LHFPL1: variants seen among roughly 807,000 people sequenced by gnomAD.
LHFPL1 encodes LHFPL tetraspan subfamily member 1 protein.
LHFPL1 carries 4 observed loss-of-function variants against 12.1 expected under a neutral mutation model. That is an observed-to-expected ratio of 0.33 (90% CI 0.16 to 0.76). The LOEUF is 0.76. LHFPL1 is among the 30% of genes least tolerant of loss of function. The pLI, the probability that LHFPL1 is intolerant of heterozygous loss-of-function variation, is 0.61. For synonymous variants in LHFPL1, 52 were observed against 61.9 expected, an observed-to-expected ratio of 0.84 and a Z score of 0.75; for missense variants, 141 against 174.1, an observed-to-expected ratio of 0.81 and a Z score of 1.07.
intron 3 of LHFPL1, among the ~76,000 whole-genome samples, chrX:112,652,355 G>A (rs1348695585): frequency 8.9e-6 from 1 of 111,897 alleles, no homozygotes; most frequent in Non-Finnish European, 1.9e-5. Flanking sequence ...TCCTTTTCCA[G>A]GCCTCAGGTT....
At chrX:112,654,631 A>G (rs1930946061) in intron 3 of LHFPL1, among the ~76,000 whole-genome samples, 1 of 110,410 alleles carries the variant, frequency 9.1e-6, no homozygotes, top group Non-Finnish European at 1.9e-5. Context: ...TGGAGAATAT[A>G]AAAGGAACTT....
chrX:112,643,206 C>G (rs1416979533), intron 3 of LHFPL1, among the ~76,000 whole-genome samples: 1 of 107,725 alleles, frequency 9.3e-6, no homozygotes, highest in Admixed American at 1.0e-4. Flanking sequence ...TGGTGAAACC[C>G]TGTCTCTACT....
At chrX:112,656,445 C>T (rs1009565390) in intron 3 of LHFPL1, among the ~76,000 whole-genome samples, 43 of 110,332 alleles carry the variant, frequency 3.9e-4, no homozygotes, top group Non-Finnish European at 4.0e-4. Flanking sequence ...GATATTTTAC[C>T]GCTAACACCA....
intron 3 of LHFPL1, 55 bp downstream of exon 3, chrX:112,660,572 T>G (rs1931151092): frequency 2.0e-6 from 2 of 1,013,113 alleles, no homozygotes; most frequent in Admixed American, 4.4e-5. Context: ...GGTAAAGCAC[T>G]TTGGAAAACA....
At chrX:112,655,484 A>C (rs1020026293) in intron 3 of LHFPL1, among the ~76,000 whole-genome samples, 2 of 112,104 alleles carry the variant, frequency 1.8e-5, no homozygotes, top group African/African-American at 6.5e-5. Flanking sequence ...TGAAGACATG[A>C]ATGTGATCTC....
Position 112,631,318 on chromosome X carries a change from G to A in LHFPL1, c.*102C>T, listed in dbSNP as rs1037548890. On this transcript the variant is annotated 3_prime_UTR_variant, in exon 4 of 4. Coordinates refer to ENST00000371968, the MANE Select transcript of LHFPL1 (RefSeq NM_178175.4). ...AGTTTAAAAAGCATGCAAACACTAGGCTATGCTAATGACAGTCAGATGACA... is the reference window on the plus strand; with the variant it reads ...AGTTTAAAAAGCATGCAAACACTAGACTATGCTAATGACAGTCAGATGACA... 11 of 690,007 alleles carry A rather than the reference G, an allele frequency of 1.6e-5. No individual in the cohort carries two copies. The highest frequency in any genetic ancestry group is 2.1e-5 in the Non-Finnish European group (10 of 467,077). 56.9% of individuals were successfully genotyped at this position (690,007 alleles called of 1,213,427 possible).
chrX:112,639,096 C>T (rs1012302762), intron 3 of LHFPL1, among the ~76,000 whole-genome samples: 1 of 111,907 alleles, frequency 8.9e-6, no homozygotes, highest in Non-Finnish European at 1.9e-5. Context: ...GTTCAGCAAA[C>T]ACAGATGAAT....
intron 3 of LHFPL1, among the ~76,000 whole-genome samples, chrX:112,635,083 G>A (rs1334024270): frequency 5.3e-5 from 6 of 112,204 alleles, no homozygotes; most frequent in East Asian, 2.8e-4. Flanking sequence ...TGAGGAAATC[G>A]TCTATGGAAG....
chrX:112,651,916 C>T (rs1245922136), intron 3 of LHFPL1, among the ~76,000 whole-genome samples: 1 of 112,803 alleles, frequency 8.9e-6, no homozygotes, highest in African/African-American at 3.2e-5. Context: ...TATATTCTGA[C>T]TAATGCCTAC....
chrX:112,639,600 C>A (rs1930444020), intron 3 of LHFPL1, among the ~76,000 whole-genome samples: 1 of 111,970 alleles, frequency 8.9e-6, no homozygotes, highest in South Asian at 3.8e-4. Flanking sequence ...ACACTTCTGC[C>A]GAACAAATTG....
At chrX:112,672,600 G>A (rs944328982) in intron 1 of LHFPL1, among the ~76,000 whole-genome samples, 3 of 111,701 alleles carry the variant, frequency 2.7e-5, no homozygotes, top group Non-Finnish European at 5.6e-5. Flanking sequence ...ATGTGGTGGT[G>A]TAGAGGACTG....
At chrX:112,654,503 G>A (rs1451777245) in intron 3 of LHFPL1, among the ~76,000 whole-genome samples, 1 of 110,711 alleles carries the variant, frequency 9.0e-6, no homozygotes, top group Non-Finnish European at 1.9e-5. Context: ...TAGATAGAGA[G>A]CTAGATAATA....
chrX:112,643,546 C>T (rs1930594151), intron 3 of LHFPL1, among the ~76,000 whole-genome samples: 1 of 110,628 alleles, frequency 9.0e-6, no homozygotes, highest in Admixed American at 9.6e-5. Context: ...ATAAAGTCAT[C>T]AGATCTTGTG....
At chrX:112,653,802 G>A (rs776088974) in intron 3 of LHFPL1, among the ~76,000 whole-genome samples, 3 of 112,289 alleles carry the variant, frequency 2.7e-5, no homozygotes, top group Non-Finnish European at 5.6e-5. Context: ...TAAAAGTTAA[G>A]AATTTTTAAA....
chrX:112,667,084 T>C (rs753056194), intron 2 of LHFPL1, among the ~76,000 whole-genome samples: 19 of 111,794 alleles, frequency 1.7e-4, no homozygotes, highest in African/African-American at 6.2e-4. Context: ...CTGGTAAAAC[T>C]CTGAAGGACT....
At chrX:112,644,735 C>T (rs1930637828) in intron 3 of LHFPL1, among the ~76,000 whole-genome samples, 1 of 111,905 alleles carries the variant, frequency 8.9e-6, no homozygotes, top group South Asian at 3.8e-4. Context: ...TGCCCTGATA[C>T]CCTGGCCATG....
At chrX:112,646,548 C>G (rs1179410450) in intron 3 of LHFPL1, among the ~76,000 whole-genome samples, 1 of 110,362 alleles carries the variant, frequency 9.1e-6, no homozygotes, top group African/African-American at 3.3e-5. Context: ...TTTTGTAGAT[C>G]TTTCTTATTT....
intron 3 of LHFPL1, among the ~76,000 whole-genome samples, chrX:112,641,279 T>C (rs1431044734): frequency 8.9e-6 from 1 of 112,211 alleles, no homozygotes; most frequent in Non-Finnish European, 1.9e-5. Context: ...CATTATCTCA[T>C]TTATTTATTT....
chrX:112,640,520 G>C (rs941932795), intron 3 of LHFPL1, among the ~76,000 whole-genome samples: 2 of 111,662 alleles, frequency 1.8e-5, no homozygotes, highest in Admixed American at 9.5e-5. Context: ...GAAGGCAATG[G>C]GGAACCACTG....
Sources: gnomAD v4.1 joint callset for allele counts (sites outside exome capture counted in the v4.1 genomes callset) on GRCh38, gnomAD v4.1.1 for gene constraint, MANE v1.5 for transcripts, NCBI Gene and HGNC (gene_info 2026-07-23, HGNC 2026-07-21) for gene names.